PDZRN4: variants seen among roughly 807,000 people sequenced by gnomAD.
PDZRN4 encodes the protein PDZ domain containing ring finger 4, also known as PDZ domain-containing RING finger protein 4.
Under a neutral mutation model 99.0 loss-of-function variants are expected in PDZRN4, and 70 were observed. The observed-to-expected ratio is 0.71, with a 90% CI of 0.58 to 0.86. PDZRN4 has a LOEUF of 0.86. PDZRN4 is among the 40% of genes least tolerant of loss of function. PDZRN4 has a pLI of 0.00. For synonymous variants in PDZRN4, 551 were observed against 501.6 expected (o/e 1.10, Z -1.32); for missense variants, 1,474 against 1,331.2 (o/e 1.11, Z -1.67).
At chr12:41,544,166 T>C (rs1938908923) in intron 5 of PDZRN4, among the ~76,000 whole-genome samples, 2 of 152,182 alleles carry the variant, frequency 1.3e-5, no homozygotes, top group Admixed American at 1.3e-4. Context: ...GCTAGGAAAA[T>C]GTCCAGTGAG....
chr12:41,365,959 G>C (rs1017120969), intron 3 of PDZRN4, among the ~76,000 whole-genome samples: 3 of 152,084 alleles, frequency 2.0e-5, no homozygotes, highest in Non-Finnish European at 4.4e-5. Flanking sequence ...CCTATTGAAA[G>C]TAATAGGCCA....
intron 3 of PDZRN4, among the ~76,000 whole-genome samples, chr12:41,405,917 T>C (rs1952344832): frequency 6.6e-6 from 1 of 150,730 alleles, no homozygotes; most frequent in African/African-American, 2.4e-5. Flanking sequence ...TGAACATAAA[T>C]GTTGGAACAA....
At chr12:41,318,413 T>C (rs1339594096) in intron 3 of PDZRN4, among the ~76,000 whole-genome samples, 3 of 152,150 alleles carry the variant, frequency 2.0e-5, no homozygotes. Context: ...ATGCTTATTG[T>C]AGAAAATTGG....
intron 5 of PDZRN4, among the ~76,000 whole-genome samples, chr12:41,544,839 G>T (rs573993740): frequency 6.6e-6 from 1 of 152,252 alleles, no homozygotes; most frequent in South Asian, 2.1e-4. Flanking sequence ...TCAGAGGAAG[G>T]TGCTGTTTAG....
chr12:41,398,421 A>C (rs1281936160), intron 3 of PDZRN4, among the ~76,000 whole-genome samples: 1 of 152,122 alleles, frequency 6.6e-6, no homozygotes, highest in Non-Finnish European at 1.5e-5. Context: ...TTCAAGTTAG[A>C]AAAGAAAGTG....
chr12:41,449,409 A>G (rs1304389583), intron 3 of PDZRN4, among the ~76,000 whole-genome samples: 2 of 152,164 alleles, frequency 1.3e-5, no homozygotes, highest in Non-Finnish European at 2.9e-5. Context: ...CAGTACCTCT[A>G]CAGATGTTTC....
intron 3 of PDZRN4, among the ~76,000 whole-genome samples, chr12:41,452,274 C>CAA (rs34065905): frequency 7.4e-6 from 1 of 135,644 alleles, no homozygotes; most frequent in South Asian, 2.4e-4. Flanking sequence ...CTAAAAAATA[C>CAA]AAAAAAAAAA....
intron 3 of PDZRN4, among the ~76,000 whole-genome samples, chr12:41,313,918 T>C (rs770043261): frequency 6.6e-6 from 1 of 152,202 alleles, no homozygotes; most frequent in Non-Finnish European, 1.5e-5. Flanking sequence ...CTGTGTTTTG[T>C]GTGTATCTGT....
chr12:41,280,821 T>G (rs1357818648), intron 3 of PDZRN4, among the ~76,000 whole-genome samples: 2 of 152,146 alleles, frequency 1.3e-5, no homozygotes, highest in African/African-American at 4.8e-5. Flanking sequence ...CTGCAGGCTC[T>G]AAAGACAGCA....
intron 3 of PDZRN4, among the ~76,000 whole-genome samples, chr12:41,251,579 G>A (rs564302207): frequency 6.6e-6 from 1 of 152,116 alleles, no homozygotes; most frequent in African/African-American, 2.4e-5. Flanking sequence ...GTTCAGACAT[G>A]TTATAAAAAG....
chr12:41,428,260 T>C (rs1952555255), intron 3 of PDZRN4, among the ~76,000 whole-genome samples: 1 of 152,212 alleles, frequency 6.6e-6, no homozygotes, highest in African/African-American at 2.4e-5. Context: ...CTAAGAAGGA[T>C]GATCTGGTTA....
At chr12:41,317,706 A>G (rs868416891) in intron 3 of PDZRN4, among the ~76,000 whole-genome samples, 2 of 152,144 alleles carry the variant, frequency 1.3e-5, no homozygotes, top group Non-Finnish European at 2.9e-5. Context: ...CTAGTGCAGT[A>G]AGAATTTTTT....
At chr12:41,546,529 A>G (rs1354237792) in intron 5 of PDZRN4, among the ~76,000 whole-genome samples, 1 of 152,236 alleles carries the variant, frequency 6.6e-6, no homozygotes, top group Non-Finnish European at 1.5e-5. Context: ...CACAGGACCT[A>G]GAAGAACATG....
chr12:41,368,810 C>T (rs1365537975), intron 3 of PDZRN4, among the ~76,000 whole-genome samples: 1 of 152,076 alleles, frequency 6.6e-6, no homozygotes, highest in Non-Finnish European at 1.5e-5. Context: ...AAGTGAAGAG[C>T]AGTCTGGGGA....
intron 3 of PDZRN4, among the ~76,000 whole-genome samples, chr12:41,370,366 G>T (rs925336402): frequency 6.6e-5 from 10 of 151,934 alleles, no homozygotes; most frequent in Non-Finnish European, 5.9e-5. Context: ...AAAATTTGTA[G>T]TTGACAGTTA....
chr12:41,469,658 A>G (rs944207575), intron 3 of PDZRN4, among the ~76,000 whole-genome samples: 49 of 152,214 alleles, frequency 3.2e-4, no homozygotes, highest in African/African-American at 7.9e-4. Flanking sequence ...CTTGCTGGGC[A>G]GGGTGGCTCA....
intron 3 of PDZRN4, among the ~76,000 whole-genome samples, chr12:41,376,645 A>G (rs1052441620): frequency 1.3e-5 from 2 of 152,108 alleles, no homozygotes; most frequent in East Asian, 1.9e-4. Flanking sequence ...TGTCAGGTAT[A>G]TGGTTTGAAA....
chr12:41,198,010 A>G (rs901062974), intron 3 of PDZRN4, among the ~76,000 whole-genome samples: 2 of 145,518 alleles, frequency 1.4e-5, no homozygotes, highest in African/African-American at 5.1e-5. Flanking sequence ...TACCTCTGGG[A>G]CTCAAGGTAT....
At chr12:41,370,244 T>C (rs1317768891) in intron 3 of PDZRN4, among the ~76,000 whole-genome samples, 1 of 151,992 alleles carries the variant, frequency 6.6e-6, no homozygotes, top group African/African-American at 2.4e-5. Context: ...AATGACTAAA[T>C]ATCATCAATT....
Sources: gnomAD v4.1 joint callset for allele counts (sites outside exome capture counted in the v4.1 genomes callset) on GRCh38, gnomAD v4.1.1 for gene constraint, MANE v1.5 for transcripts, NCBI Gene and HGNC (gene_info 2026-07-23, HGNC 2026-07-21) for gene names.